The following PCDHGA6 variants were observed in gnomAD, a reference collection of about 807,000 sequenced individuals.
PCDHGA6 encodes protocadherin gamma subfamily A, 6.
A neutral mutation model predicts 60.6 loss-of-function variants in PCDHGA6; 41 were observed. The ratio of observed to expected loss-of-function variants is 0.68; its 90% confidence interval spans 0.53 to 0.88. The LOEUF (loss-of-function observed/expected upper bound fraction) is 0.88, where lower values mean the gene tolerates loss of function less well. Among genes scored for constraint, PCDHGA6 ranks in the 40% least tolerant of loss-of-function variants. The probability of loss-of-function intolerance (pLI) is 0.00; values close to 1 mark genes in which losing one functional copy is unlikely to be tolerated. For synonymous variants in PCDHGA6, 594 were observed against 524.4 expected (o/e 1.13, Z -1.81); for missense variants, 1,312 against 1,203.0 (o/e 1.09, Z -1.34).
rs1588802430 is a variant in PCDHGA6, at chr5:141,376,384, T to C, written c.2301T>C (p.His767=). 13 of 1,614,204 alleles carry C rather than the reference T, an allele frequency of 8.1e-6. No homozygotes were observed. The highest frequency in any genetic ancestry group is 1.7e-4 in the Middle Eastern group (1 of 6,060). The part of the protein sequence containing the change: ...VSLTADSRKS[H]LIFPQPNYAD... The stretch of plus-strand genomic sequence containing the variant: ...TCACTGCAGACTCGCGTAAGAGTCA[T>C]CTGATTTTCCCCCAGCCCAACTATG... The change falls in exon 1 of 4, where the codon CAT becomes CAC. Residue 767 remains histidine (H), a synonymous_variant. Transcript: ENST00000517434.
chr5:141,394,624 T>A (rs542816387), intron 1 of PCDHGA6: 6 of 1,612,992 alleles, frequency 3.7e-6, no homozygotes, highest in Non-Finnish European at 5.1e-6. Flanking sequence ...AACGCCTGGC[T>A]GTCCTACCGC....
At chr5:141,389,889 G>T (rs1190060148) in intron 1 of PCDHGA6, 1 of 1,614,086 alleles carries the variant, frequency 6.2e-7, no homozygotes, top group South Asian at 1.1e-5. Context: ...CTTGCAGGAG[G>T]TGCTGCCGGA....
intron 3 of PCDHGA6, among the ~76,000 whole-genome samples, chr5:141,509,022 C>G (rs2099873807): frequency 6.6e-6 from 1 of 152,206 alleles, no homozygotes; most frequent in East Asian, 1.9e-4. Context: ...CAGCTGCTCC[C>G]TCCCACTCAA....
rs140184617 is a variant in PCDHGA6, at chr5:141,405,523, G to A, written c.2424+29016G>A. ...CAACCTCCGCCTCCCAAATTCAAGC[G>A]ATTCTCCTGCCTCAGCCTCCCAAGT... is the stretch of plus-strand genomic sequence containing the variant. On this transcript the variant is annotated intron_variant, in intron 1 of 3. Transcript: ENST00000517434. 5.4e-4 allele frequency: 366 copies of A among 679,318 alleles called. 4 individuals carry two copies. In the East Asian group the frequency reaches 9.7e-3, roughly 18 times the overall value. The allele number at this position is 679,318 out of a possible 1,614,324, so 42.1% of individuals were successfully genotyped here.
chr5:141,457,413 A>C (rs939244132), intron 1 of PCDHGA6, among the ~76,000 whole-genome samples: 6 of 152,142 alleles, frequency 3.9e-5, no homozygotes, highest in Non-Finnish European at 5.9e-5. Flanking sequence ...CACATTACCC[A>C]TCCCTTTTTC....
intron 1 of PCDHGA6, among the ~76,000 whole-genome samples, chr5:141,458,079 C>G (rs1016889225): frequency 6.6e-6 from 1 of 152,186 alleles, no homozygotes; most frequent in Non-Finnish European, 1.5e-5. Context: ...AACTATATTG[C>G]CGTAAGTTAA....
rs375619778 is a variant in PCDHGA6, at chr5:141,399,361, C to G, written c.2424+22854C>G. 11 of 1,613,960 alleles carry G rather than the reference C, an allele frequency of 6.8e-6. No homozygotes were observed. The Admixed American group carries it at 1.8e-4, about 27-fold the overall frequency. On this transcript the variant is annotated intron_variant, in intron 1 of 3. Transcript: ENST00000517434. ...TGGAACCCTAGACCGAGAGCAAACC[C>G]CGGAGTACAATGTCACCATCACAGC...
At chr5:141,456,897 A>G (rs1351271896) in intron 1 of PCDHGA6, among the ~76,000 whole-genome samples, 2 of 152,178 alleles carry the variant, frequency 1.3e-5, no homozygotes, top group Admixed American at 1.3e-4. Context: ...CGGGAGGCAG[A>G]GGTTGCAGTG....
chr5:141,421,280 G>T (rs564480755), intron 1 of PCDHGA6: 1 of 1,612,948 alleles, frequency 6.2e-7, no homozygotes, highest in African/African-American at 1.3e-5. Context: ...CTGCTGCTGT[G>T]CATTTTCCTG....
chr5:141,491,549 A>T lies in PCDHGA6; in HGVS notation c.2425-3258A>T, dbSNP rs748281587. 18 of 1,613,860 alleles carry T rather than the reference A, an allele frequency of 1.1e-5. No homozygotes were observed. In the East Asian group the frequency reaches 3.8e-4, roughly 34 times the overall value. On this transcript the variant is annotated intron_variant, in intron 1 of 3. Coordinates refer to ENST00000517434, the MANE Select transcript of PCDHGA6 (RefSeq NM_018919.3). This position sits in a 1 kb window ranked among gnomAD's most constrained non-coding sequence, Gnocchi z 6.9. Reference sequence around the variant, plus strand: ...GTGACGCTGCGGCCCACAGACTCGCAGAGCCACTGCTACAGGACGTGCTTT... The same window carrying T: ...GTGACGCTGCGGCCCACAGACTCGCTGAGCCACTGCTACAGGACGTGCTTT...
intron 1 of PCDHGA6, among the ~76,000 whole-genome samples, chr5:141,400,846 A>G (rs1273650139): frequency 6.6e-6 from 1 of 152,190 alleles, no homozygotes; most frequent in Non-Finnish European, 1.5e-5. Context: ...ACATGTTTAT[A>G]TTTTATTGTA....
intron 1 of PCDHGA6, chr5:141,383,949 G>T (rs538018556): frequency 4.3e-6 from 7 of 1,613,584 alleles, no homozygotes; most frequent in Non-Finnish European, 5.9e-6. Context: ...TGACTATGAC[G>T]TCTTTAAGTA....
rs1476740920 is a variant in PCDHGA6, at chr5:141,443,326, A to AC, written c.2425-51481_2425-51480insC. Among the ~76,000 whole-genome samples the AC allele has an allele frequency of 3.3e-5, 5 of 151,792 alleles. No homozygotes were observed. The South Asian group carries it at 8.3e-4, about 25-fold the overall frequency. ...CAAAAACCCATCTCTACAAAAAAAA[A>AC]AAACAAAAATTAACAAGGTTTAGTG... On this transcript the variant is annotated intron_variant, in intron 1 of 3. Transcript: ENST00000517434.
intron 1 of PCDHGA6, among the ~76,000 whole-genome samples, chr5:141,471,768 T>A (rs1203999329): frequency 6.6e-6 from 1 of 152,174 alleles, no homozygotes; most frequent in Non-Finnish European, 1.5e-5. Context: ...GGTCAAAAGA[T>A]GAGTTTGACA....
At chr5:141,404,780 A>G (rs746373854) in intron 1 of PCDHGA6, 2 of 1,612,764 alleles carry the variant, frequency 1.2e-6, no homozygotes, top group African/African-American at 1.3e-5. Flanking sequence ...CCGCCTATTC[A>G]AGGCCAGTGA....
chr5:141,389,398 T>A, intron 1 of PCDHGA6: 1 of 1,613,654 alleles, frequency 6.2e-7, no homozygotes. Flanking sequence ...TACGTGTCCA[T>A]AAGCGCGGAG....
At chr5:141,398,895 A>G (rs2093721929) in intron 1 of PCDHGA6, 3 of 1,613,988 alleles carry the variant, frequency 1.9e-6, no homozygotes, top group African/African-American at 1.3e-5. Flanking sequence ...AAAACGTGCC[A>G]CCAGGCACCA....
At chr5:141,498,947 AAAAG>A (rs1475471777) in intron 2 of PCDHGA6, among the ~76,000 whole-genome samples, 1 of 145,446 alleles carries the variant, frequency 6.9e-6, no homozygotes, top group African/African-American at 2.6e-5. Context: ...GAAAGAAAGA[AAAAG>A]AGAGAGAGGG....
At chr5:141,484,454 G>T (rs932663778) in intron 1 of PCDHGA6, among the ~76,000 whole-genome samples, 2 of 152,212 alleles carry the variant, frequency 1.3e-5, no homozygotes, top group Non-Finnish European at 2.9e-5. Context: ...AATTGGCTAC[G>T]TTAATGTGTA....
Sources: allele counts gnomAD v4.1 joint callset (sites outside exome capture counted in the v4.1 genomes callset), GRCh38; gene constraint gnomAD v4.1.1; non-coding constraint Gnocchi (gnomAD v3.1); transcripts MANE v1.5; gene names NCBI Gene and HGNC (gene_info 2026-07-23, HGNC 2026-07-21).